The following GALNTL6 variants were observed in gnomAD, a reference collection of about 807,000 sequenced individuals.
The protein encoded by GALNTL6 is polypeptide N-acetylgalactosaminyltransferase like 6.
GALNTL6 carries 46 observed loss-of-function variants against 73.7 expected under a neutral mutation model. The observed-to-expected ratio is 0.62, with a 90% CI of 0.49 to 0.80. The LOEUF (loss-of-function observed/expected upper bound fraction) is 0.80. Among genes scored for constraint, GALNTL6 ranks in the 30% least tolerant of loss-of-function variants. The probability of loss-of-function intolerance (pLI) is 0.00; values close to 1 mark genes in which losing one functional copy is unlikely to be tolerated. For missense variants in GALNTL6, 604 were observed against 755.0 expected (o/e 0.80, Z 2.34); for synonymous variants, 259 against 263.7 (o/e 0.98, Z 0.17).
intron 2 of GALNTL6, among the ~76,000 whole-genome samples, chr4:171,895,112 T>C (rs768713145): frequency 6.6e-6 from 1 of 152,220 alleles, no homozygotes; most frequent in Non-Finnish European, 1.5e-5. Flanking sequence ...CTGTAATGTC[T>C]ACATGAGCTC....
chr4:172,936,340 G>A (rs1479049433), intron 9 of GALNTL6, among the ~76,000 whole-genome samples: 3 of 152,108 alleles, frequency 2.0e-5, no homozygotes, highest in Non-Finnish European at 2.9e-5. Flanking sequence ...ATGGGCAAAC[G>A]CTGGAAGCAT....
intron 2 of GALNTL6, among the ~76,000 whole-genome samples, chr4:171,924,609 G>A (rs1737916935): frequency 6.6e-6 from 1 of 152,128 alleles, no homozygotes; most frequent in African/African-American, 2.4e-5. Context: ...AGCACGATCA[G>A]GTGCTATTCA....
At chr4:171,986,811 T>A (rs1039936888) in intron 2 of GALNTL6, among the ~76,000 whole-genome samples, 7 of 152,178 alleles carry the variant, frequency 4.6e-5, no homozygotes, top group African/African-American at 1.7e-4. Flanking sequence ...CCAGGACATC[T>A]GATTAGAGAG....
intron 2 of GALNTL6, among the ~76,000 whole-genome samples, chr4:172,207,060 G>C (rs544798381): frequency 6.6e-6 from 1 of 151,442 alleles, no homozygotes; most frequent in South Asian, 2.1e-4. Flanking sequence ...CTCGTGATCC[G>C]CCCCCCTTGG....
intron 5 of GALNTL6, among the ~76,000 whole-genome samples, chr4:172,719,490 A>C (rs1342144177): frequency 6.6e-6 from 1 of 152,178 alleles, no homozygotes; most frequent in African/African-American, 2.4e-5. Context: ...TTAAAAAAAA[A>C]CACTGCTTTC....
intron 5 of GALNTL6, among the ~76,000 whole-genome samples, chr4:172,445,745 G>A (rs1298429515): frequency 6.6e-6 from 1 of 152,056 alleles, no homozygotes; most frequent in Non-Finnish European, 1.5e-5. Flanking sequence ...TTTCCCTAGT[G>A]AATTGTAAAT....
At chr4:172,472,779 A>G (rs1390955831) in intron 5 of GALNTL6, among the ~76,000 whole-genome samples, 1 of 152,144 alleles carries the variant, frequency 6.6e-6, no homozygotes, top group Non-Finnish European at 1.5e-5. Flanking sequence ...GAGGCTGGAA[A>G]AGGCAAGAAA....
intron 2 of GALNTL6, among the ~76,000 whole-genome samples, chr4:171,915,848 T>C (rs1737608770): frequency 6.6e-6 from 1 of 152,148 alleles, no homozygotes; most frequent in South Asian, 2.1e-4. Context: ...TTCCCAACAC[T>C]TGGACTTCTG....
At position 172,528,952 on chromosome 4, in the gene GALNTL6, C is replaced by CATATATATATATAT. The variant is rs765904258; in HGVS notation, c.553+180275_553+180276insATATATATATATAT. On this transcript the variant is annotated intron_variant, in intron 5 of 12. Coordinates refer to ENST00000506823, the MANE Select transcript of GALNTL6 (RefSeq NM_001034845.3). Reference sequence around the variant, plus strand: ...TTCAGAGACTTTGTTTTCCCAAAGGCATATATATATATGTGTGTGTATATT... The same window carrying CATATATATATATAT: ...TTCAGAGACTTTGTTTTCCCAAAGGCATATATATATATATATATATATATATGTGTGTGTATATT... Among the ~76,000 whole-genome samples, 43 of 23,328 alleles carry CATATATATATATAT rather than the reference C, an allele frequency of 1.8e-3. 9 individuals carry two copies. In the South Asian group the frequency reaches 0.024, roughly 13 times the overall value. 15.3% of individuals were successfully genotyped at this position (23,328 alleles called of 152,430 possible).
intron 2 of GALNTL6, among the ~76,000 whole-genome samples, chr4:171,914,787 A>AAAAAAC (rs1560838984): frequency 6.6e-6 from 1 of 151,716 alleles, no homozygotes; most frequent in African/African-American, 2.4e-5. Flanking sequence ...TGATAAAAAA[A>AAAAAAC]AAAAAACTAT....
intron 7 of GALNTL6, among the ~76,000 whole-genome samples, chr4:172,815,535 T>C (rs1741552144): frequency 6.6e-6 from 1 of 152,176 alleles, no homozygotes; most frequent in South Asian, 2.1e-4. Context: ...TGCACTGTGA[T>C]AGCAGAGTAG....
At chr4:172,042,562 G>A (rs1451583811) in intron 2 of GALNTL6, among the ~76,000 whole-genome samples, 1 of 151,248 alleles carries the variant, frequency 6.6e-6, no homozygotes, top group African/African-American at 2.4e-5. Context: ...TCCCTATTTT[G>A]GCATATGGCA....
chr4:172,417,404 C>T (rs1422445190), intron 5 of GALNTL6, among the ~76,000 whole-genome samples: 4 of 152,086 alleles, frequency 2.6e-5, no homozygotes, highest in Non-Finnish European at 5.9e-5. Context: ...CTTAATTTGT[C>T]TGTTTATACT....
intron 2 of GALNTL6, among the ~76,000 whole-genome samples, chr4:172,172,344 C>T (rs945906647): frequency 6.6e-6 from 1 of 152,046 alleles, no homozygotes; most frequent in Admixed American, 6.5e-5. Context: ...ACTACAGGCA[C>T]TCGCCACCAT....
At chr4:171,926,078 T>A (rs1054196488) in intron 2 of GALNTL6, among the ~76,000 whole-genome samples, 1 of 152,150 alleles carries the variant, frequency 6.6e-6, no homozygotes, top group African/African-American at 2.4e-5. Context: ...ATACTTCACA[T>A]CATTCCTTTA....
At chr4:172,096,526 C>A in intron 2 of GALNTL6, among the ~76,000 whole-genome samples, 1 of 133,776 alleles carries the variant, frequency 7.5e-6, no homozygotes. Context: ...TATTTACTGA[C>A]AGCCCTTTTT....
intron 2 of GALNTL6, among the ~76,000 whole-genome samples, chr4:172,061,068 C>T (rs1254915416): frequency 6.6e-6 from 1 of 152,156 alleles, no homozygotes; most frequent in African/African-American, 2.4e-5. Flanking sequence ...ATATTAATAA[C>T]TGGTAACAGT....
intron 3 of GALNTL6, among the ~76,000 whole-genome samples, chr4:172,263,482 CTTTAT>C (rs1331260186): frequency 6.6e-6 from 1 of 151,044 alleles, no homozygotes; most frequent in Non-Finnish European, 1.5e-5. Flanking sequence ...AGTGATTTTT[CTTTAT>C]ATCTATCGCT....
At chr4:172,135,834 A>G (rs1036023882) in intron 2 of GALNTL6, among the ~76,000 whole-genome samples, 2 of 152,162 alleles carry the variant, frequency 1.3e-5, no homozygotes, top group African/African-American at 4.8e-5. Flanking sequence ...CAAGCACCCT[A>G]AATATCACAT....
Sources: gnomAD v4.1 joint callset for allele counts (sites outside exome capture counted in the v4.1 genomes callset) on GRCh38, gnomAD v4.1.1 for gene constraint, MANE v1.5 for transcripts, NCBI Gene and HGNC (gene_info 2026-07-23, HGNC 2026-07-21) for gene names.